Variants in SUSD4 observed in about 807,000 individuals in gnomAD.
The protein encoded by SUSD4 is sushi domain-containing protein 4.
SUSD4 carries 41 observed loss-of-function variants against 50.5 expected under a neutral mutation model. That is an observed-to-expected ratio of 0.81 (90% CI 0.63 to 1.05). The LOEUF (loss-of-function observed/expected upper bound fraction) is 1.05, where lower values mean the gene tolerates loss of function less well. Among genes scored for constraint, SUSD4 ranks in the 50% least tolerant of loss-of-function variants. The pLI is 0.00. For synonymous variants in SUSD4, 257 were observed against 257.3 expected, an observed-to-expected ratio of 1.00 and a Z score of 0.01; for missense variants, 580 against 634.7, an observed-to-expected ratio of 0.91 and a Z score of 0.93.
intron 3 of SUSD4, among the ~76,000 whole-genome samples, chr1:223,269,481 T>G (rs758916078): frequency 2.0e-5 from 3 of 152,212 alleles, no homozygotes; most frequent in African/African-American, 4.8e-5. Context: ...TCCAGTTCAC[T>G]GTGCAGGCCA....
intron 2 of SUSD4, among the ~76,000 whole-genome samples, chr1:223,328,440 A>G (rs917266035): frequency 6.6e-6 from 1 of 152,182 alleles, no homozygotes; most frequent in Non-Finnish European, 1.5e-5. Context: ...ATTGCTCTGA[A>G]GATAGAATAC....
chr1:223,309,277 C>T (rs1190792700), intron 2 of SUSD4, among the ~76,000 whole-genome samples: 1 of 152,218 alleles, frequency 6.6e-6, no homozygotes, highest in Non-Finnish European at 1.5e-5. Flanking sequence ...CATGGATCAG[C>T]CTCATCCTTT....
At chr1:223,269,886 G>C (rs1286163197) in intron 3 of SUSD4, among the ~76,000 whole-genome samples, 2 of 152,120 alleles carry the variant, frequency 1.3e-5, no homozygotes, top group East Asian at 3.9e-4. Context: ...GCTTTGAACT[G>C]TCGGCTCTGA....
intron 2 of SUSD4, among the ~76,000 whole-genome samples, chr1:223,320,011 A>T (rs776965503): frequency 1.6e-4 from 25 of 152,182 alleles, no homozygotes; most frequent in Non-Finnish European, 2.8e-4. Context: ...AAGCCAGGTG[A>T]ACACCCACGG....
chr1:223,266,406 G>A (rs1479631776), intron 4 of SUSD4, among the ~76,000 whole-genome samples: 1 of 152,196 alleles, frequency 6.6e-6, no homozygotes, highest in Non-Finnish European at 1.5e-5. Context: ...ACGTGAACAA[G>A]TGAGTGCCTT....
intron 2 of SUSD4, among the ~76,000 whole-genome samples, chr1:223,342,009 G>C (rs1319948331): frequency 6.6e-6 from 1 of 152,176 alleles, no homozygotes; most frequent in Non-Finnish European, 1.5e-5. Context: ...AAAGCACTGA[G>C]GAGGGTGCCC....
intron 2 of SUSD4, 147 bp from the exon 3 acceptor site, chr1:223,292,798 C>A (rs982757367): frequency 1.1e-5 from 9 of 802,534 alleles, no homozygotes; most frequent in Admixed American, 8.4e-5. Flanking sequence ...CATTTTAGTG[C>A]ACATTCTACT....
At chr1:223,337,190 C>T (rs1667504367) in intron 2 of SUSD4, among the ~76,000 whole-genome samples, 1 of 152,306 alleles carries the variant, frequency 6.6e-6, no homozygotes, top group South Asian at 2.1e-4. Context: ...TGCCACCTTA[C>T]AGAGTTCAAA....
chr1:223,315,979 T>C (rs1016158294), intron 2 of SUSD4, among the ~76,000 whole-genome samples: 5 of 152,166 alleles, frequency 3.3e-5, no homozygotes, highest in Non-Finnish European at 5.9e-5. Context: ...AAAACAGGGC[T>C]GATTCTATAG....
At chr1:223,276,269 G>GT (rs1245007693) in intron 3 of SUSD4, among the ~76,000 whole-genome samples, 2 of 152,244 alleles carry the variant, frequency 1.3e-5, no homozygotes, top group Non-Finnish European at 1.5e-5. Context: ...AAGGATCTGT[G>GT]TATGTGCTGA....
chr1:223,256,012 C>T (rs540913981), intron 5 of SUSD4, among the ~76,000 whole-genome samples: 1 of 152,266 alleles, frequency 6.6e-6, no homozygotes, highest in East Asian at 1.9e-4. Flanking sequence ...GGCCACTTGG[C>T]ACATTGTACA....
intron 5 of SUSD4, among the ~76,000 whole-genome samples, chr1:223,239,714 C>T (rs986336008): frequency 7.9e-5 from 12 of 151,224 alleles, no homozygotes; most frequent in South Asian, 2.1e-4. Context: ...TATATATAAG[C>T]GTCTGTGTGT....
intron 2 of SUSD4, among the ~76,000 whole-genome samples, chr1:223,350,347 G>A (rs1368140487): frequency 6.6e-6 from 1 of 152,192 alleles, no homozygotes; most frequent in Non-Finnish European, 1.5e-5. Flanking sequence ...ACAAATGTAA[G>A]AGTGGATGAA....
intron 2 of SUSD4, among the ~76,000 whole-genome samples, chr1:223,354,539 G>T (rs976804482): frequency 1.5e-4 from 23 of 152,246 alleles, no homozygotes; most frequent in Admixed American, 1.1e-3. Flanking sequence ...CCCATTTTGT[G>T]TAAGTATAAT....
At chr1:223,334,887 CT>C (rs1159166813) in intron 2 of SUSD4, among the ~76,000 whole-genome samples, 1 of 152,146 alleles carries the variant, frequency 6.6e-6, no homozygotes, top group South Asian at 2.1e-4. Flanking sequence ...CCCTTTCCCC[CT>C]GGGTCCCCAA....
At chr1:223,290,905 G>A (rs944504262) in intron 3 of SUSD4, among the ~76,000 whole-genome samples, 2 of 151,936 alleles carry the variant, frequency 1.3e-5, no homozygotes, top group African/African-American at 4.8e-5. Context: ...TGTTTTTAAA[G>A]CACTGGGTAA....
At chr1:223,265,468 A>T (rs1489556370) in intron 4 of SUSD4, among the ~76,000 whole-genome samples, 1 of 152,210 alleles carries the variant, frequency 6.6e-6, no homozygotes, top group Admixed American at 6.5e-5. Flanking sequence ...CCACCTGCAG[A>T]GCTTCTGTTT....
At chr1:223,347,052 C>G (rs1434078421) in intron 2 of SUSD4, among the ~76,000 whole-genome samples, 5 of 151,324 alleles carry the variant, frequency 3.3e-5, no homozygotes, top group Admixed American at 3.3e-4. Flanking sequence ...TGTTATTTTT[C>G]TTTTTTAAAA....
At chr1:223,255,619 AC>A (rs1050314066) in intron 5 of SUSD4, among the ~76,000 whole-genome samples, 13 of 151,992 alleles carry the variant, frequency 8.6e-5, no homozygotes, top group African/African-American at 3.1e-4. Context: ...ATGTTCCAGA[AC>A]CCCTGGCCAA....
Sources: gnomAD v4.1 joint callset for allele counts (sites outside exome capture counted in the v4.1 genomes callset) on GRCh38, gnomAD v4.1.1 for gene constraint, MANE v1.5 for transcripts, NCBI Gene and HGNC (gene_info 2026-07-23, HGNC 2026-07-21) for gene names.